The following GLIS1 variants were observed in gnomAD, a reference collection of about 807,000 sequenced individuals.
The protein encoded by GLIS1 is zinc finger protein GLIS1.
A neutral mutation model predicts 63.8 loss-of-function variants in GLIS1; 24 were observed. The ratio of observed to expected loss-of-function variants is 0.38; its 90% CI spans 0.27 to 0.53. The LOEUF is 0.53. Among genes scored for constraint, GLIS1 ranks in the 20% least tolerant of loss-of-function variants. The pLI, the probability that GLIS1 is intolerant of heterozygous loss-of-function variation, is 0.85. For missense variants in GLIS1, 1,036 were observed against 1,074.1 expected, an observed-to-expected ratio of 0.96 and a Z score of 0.50; for synonymous variants, 450 against 482.5, an observed-to-expected ratio of 0.93 and a Z score of 0.88.
chr1:53,648,854 G>A (rs182815979), intron 2 of GLIS1, among the ~76,000 whole-genome samples: 75 of 152,316 alleles, frequency 4.9e-4, no homozygotes, highest in African/African-American at 1.8e-3. Flanking sequence ...AGATGGGGAA[G>A]GCCATGAGTG....
At chr1:53,713,597 T>A (rs1401628665) in intron 2 of GLIS1, among the ~76,000 whole-genome samples, 2 of 152,148 alleles carry the variant, frequency 1.3e-5, no homozygotes, top group Admixed American at 6.5e-5. Context: ...CTGCCAAAAA[T>A]TTTTTAAAAA....
chr1:53,700,176 C>CCT (rs1234039410), intron 2 of GLIS1, among the ~76,000 whole-genome samples: 1 of 152,180 alleles, frequency 6.6e-6, no homozygotes, highest in Non-Finnish European at 1.5e-5. Flanking sequence ...TGCGCAAGGC[C>CCT]CTCGGCCTGG....
chr1:53,585,541 G>T (rs1206192371), intron 4 of GLIS1, among the ~76,000 whole-genome samples: 1 of 151,370 alleles, frequency 6.6e-6, no homozygotes, highest in Non-Finnish European at 1.5e-5. Context: ...TGGGGAATGG[G>T]GGTGAAACAG....
chr1:53,700,185 G>T (rs1318770797), intron 2 of GLIS1, among the ~76,000 whole-genome samples: 1 of 152,184 alleles, frequency 6.6e-6, no homozygotes, highest in African/African-American at 2.4e-5. Context: ...CCCTCGGCCT[G>T]GAGGAACCAG....
intron 6 of GLIS1, among the ~76,000 whole-genome samples, chr1:53,522,683 AG>A (rs1201614825): frequency 6.6e-6 from 1 of 152,154 alleles, no homozygotes; most frequent in Non-Finnish European, 1.5e-5. Flanking sequence ...CCAAGGTGGA[AG>A]GATTACTTGA....
At chr1:53,719,437 T>C (rs1224879958) in intron 2 of GLIS1, among the ~76,000 whole-genome samples, 1 of 152,190 alleles carries the variant, frequency 6.6e-6, no homozygotes, top group East Asian at 1.9e-4. Context: ...CTCAACCCTT[T>C]CATATCCTCA....
intron 2 of GLIS1, among the ~76,000 whole-genome samples, chr1:53,663,323 C>G (rs113706888): frequency 6.6e-6 from 1 of 152,232 alleles, no homozygotes; most frequent in Non-Finnish European, 1.5e-5. Context: ...TCTGATTACA[C>G]GGAAGTGAAC....
chr1:53,622,436 A>AAG, intron 2 of GLIS1, among the ~76,000 whole-genome samples: 1 of 34,936 alleles, frequency 2.9e-5, no homozygotes, highest in South Asian at 9.0e-4. Context: ...TCAAAAAAAA[A>AAG]AAAAAAAAAA....
In GLIS1 at chr1:53,529,904, G is replaced by A; in HGVS notation, c.1369C>T (p.His457Tyr). 6.2e-7 allele frequency: 1 copy of A among 1,613,892 alleles called. No homozygotes were observed. Among genetic ancestry groups the A allele is most frequent in the Non-Finnish European group, 8.5e-7 (1 of 1,179,952 alleles). ...AFSRLENLKIHLRSHTGEKPY... is the reference protein window; with the variant it reads ...AFSRLENLKIYLRSHTGEKPY... Reference sequence around the variant, plus strand: ...TTCTCGCCCGTGTGGCTCCTCAGGTGGATCTTGAGGTTCTCCAGCCGTGAG... The same window carrying A: ...TTCTCGCCCGTGTGGCTCCTCAGGTAGATCTTGAGGTTCTCCAGCCGTGAG... Residue 457 changes from histidine (H) to tyrosine (Y), a missense_variant, in exon 5 of 11, where the codon CAC becomes TAC. Around this residue, in one of 3 missense-constraint regions of GLIS1, gnomAD observed 44 missense variants for 79.3 expected, o/e 0.55. Coordinates refer to ENST00000628545, the MANE Select transcript of GLIS1 (RefSeq NM_001367484.1).
chr1:53,610,603 C>T (rs913222052), intron 2 of GLIS1, among the ~76,000 whole-genome samples: 13 of 152,120 alleles, frequency 8.5e-5, no homozygotes, highest in Admixed American at 6.5e-4. Context: ...ATTTTCTCTC[C>T]GTGTTTTGTT....
At chr1:53,715,820 C>T (rs1259607245) in intron 2 of GLIS1, among the ~76,000 whole-genome samples, 3 of 152,016 alleles carry the variant, frequency 2.0e-5, no homozygotes, top group Non-Finnish European at 2.9e-5. Context: ...CAAGAGCAGT[C>T]GGTGGACTGA....
intron 2 of GLIS1, among the ~76,000 whole-genome samples, chr1:53,613,545 T>C (rs72910678): frequency 0.036 from 5,503 of 152,302 alleles, 262 homozygotes; most frequent in African/African-American, 0.11. Flanking sequence ...CTATTGAATA[T>C]GATACAGTGA....
At chr1:53,656,021 C>G (rs1182781068) in intron 2 of GLIS1, among the ~76,000 whole-genome samples, 1 of 152,222 alleles carries the variant, frequency 6.6e-6, no homozygotes, top group African/African-American at 2.4e-5. Flanking sequence ...TGGCCAGTGG[C>G]CTCTCCCCAT....
intron 2 of GLIS1, among the ~76,000 whole-genome samples, chr1:53,677,299 G>C (rs1177901397): frequency 6.6e-6 from 1 of 152,208 alleles, no homozygotes; most frequent in Non-Finnish European, 1.5e-5. Context: ...GGACCAGCAG[G>C]GATGCCCACC....
chr1:53,596,445 C>G (rs1241508218), intron 3 of GLIS1, among the ~76,000 whole-genome samples: 3 of 152,122 alleles, frequency 2.0e-5, no homozygotes, highest in Non-Finnish European at 4.4e-5. Flanking sequence ...CTAGGACACC[C>G]CACGCCACCT....
At chr1:53,692,137 A>G (rs1395250157) in intron 2 of GLIS1, among the ~76,000 whole-genome samples, 1 of 151,796 alleles carries the variant, frequency 6.6e-6, no homozygotes, top group Non-Finnish European at 1.5e-5. Context: ...TTCTCATCCA[A>G]CCTCTCTTTT....
chr1:53,616,380 A>G (rs1372539141), intron 2 of GLIS1, among the ~76,000 whole-genome samples: 1 of 152,228 alleles, frequency 6.6e-6, no homozygotes. Flanking sequence ...ATACAGGGCC[A>G]TAGATGCTTA....
At chr1:53,733,442 C>T (rs1570118487) in intron 2 of GLIS1, among the ~76,000 whole-genome samples, 2 of 152,152 alleles carry the variant, frequency 1.3e-5, no homozygotes, top group Admixed American at 6.5e-5. Flanking sequence ...CAGCTAAGCA[C>T]GCTACAGGTA....
chr1:53,617,179 G>A (rs1320141695), intron 2 of GLIS1, among the ~76,000 whole-genome samples: 1 of 152,160 alleles, frequency 6.6e-6, no homozygotes, highest in Non-Finnish European at 1.5e-5. Flanking sequence ...GGACACACTG[G>A]AAATCATGGG....
Sources: allele counts gnomAD v4.1 joint callset (sites outside exome capture counted in the v4.1 genomes callset), GRCh38; gene constraint gnomAD v4.1.1; regional missense constraint gnomAD v4.1.1; transcripts MANE v1.5; gene names NCBI Gene and HGNC (gene_info 2026-07-23, HGNC 2026-07-21).